Variants in WDR17 observed in about 807,000 individuals in gnomAD.
WDR17 encodes WD repeat domain 17.
In WDR17, 143 loss-of-function variants were observed where a neutral mutation model predicts 161.7. That is an observed-to-expected ratio of 0.88 (90% CI 0.77 to 1.02). WDR17 has a LOEUF of 1.02. Ranked by LOEUF, WDR17 falls within the 50% of genes least tolerant of loss-of-function variation. The pLI is 0.00. For missense variants in WDR17, 1,469 were observed against 1,520.9 expected (o/e 0.97, Z 0.57); for synonymous variants, 517 against 515.6 (o/e 1.00, Z -0.04).
rs547664887 is a variant in WDR17, at chr4:176,113,285, C to G, written c.123+1582C>G. ...AAGAAGAGAAAGTTATCAAGCAAGT[C>G]AAACTATTCTTCTGAGGTAAGGATG... On this transcript the variant is annotated intron_variant, in intron 2 of 28. Transcript: ENST00000508596. 2.0e-5 allele frequency among the ~76,000 whole-genome samples: 3 copies of G among 152,122 alleles called. No individual in the cohort carries two copies. The South Asian group carries it at 6.2e-4, about 32-fold the overall frequency.
At chr4:176,162,249 T>C in intron 21 of WDR17, 75 bp downstream of exon 21, 1 of 1,343,874 alleles carries the variant, frequency 7.4e-7, no homozygotes, top group Non-Finnish European at 1.0e-6. Context: ...GGAAAAGATA[T>C]GGTGACTTTC....
intron 2 of WDR17, 51 bp downstream of exon 2, chr4:176,111,754 T>C: frequency 7.0e-7 from 1 of 1,435,412 alleles, no homozygotes; most frequent in African/African-American, 1.5e-5. Flanking sequence ...AAAATTAATA[T>C]TTAATTAATA....
intron 1 of WDR17, among the ~76,000 whole-genome samples, chr4:176,086,245 T>C (rs147741328): frequency 6.6e-6 from 1 of 152,016 alleles, no homozygotes; most frequent in Non-Finnish European, 1.5e-5. Flanking sequence ...CCCATGTTTA[T>C]TTGAAAAGAA....
intron 1 of WDR17, among the ~76,000 whole-genome samples, chr4:176,102,859 A>G (rs1738040110): frequency 6.6e-6 from 1 of 152,164 alleles, no homozygotes; most frequent in Non-Finnish European, 1.5e-5. Flanking sequence ...AGTGGCAGCT[A>G]CTCATCCCTC....
chr4:176,166,484 A>G (rs1749790582), intron 22 of WDR17, among the ~76,000 whole-genome samples: 1 of 152,144 alleles, frequency 6.6e-6, no homozygotes, highest in East Asian at 1.9e-4. Context: ...GGTCTATATC[A>G]TTTTTATATG....
At chr4:176,136,505 C>T (rs1355729130) in intron 8 of WDR17, among the ~76,000 whole-genome samples, 1 of 151,636 alleles carries the variant, frequency 6.6e-6, no homozygotes, top group Non-Finnish European at 1.5e-5. Flanking sequence ...CATTCTTTCA[C>T]TCTCTACATT....
At chr4:176,127,753 C>G (rs756315638) in intron 5 of WDR17, among the ~76,000 whole-genome samples, 1 of 152,092 alleles carries the variant, frequency 6.6e-6, no homozygotes, top group Non-Finnish European at 1.5e-5. Context: ...TCATTATTCC[C>G]CCAACAAACC....
intron 8 of WDR17, among the ~76,000 whole-genome samples, chr4:176,136,870 A>G (rs546906751): frequency 1.3e-5 from 2 of 151,692 alleles, no homozygotes; most frequent in South Asian, 4.1e-4. Flanking sequence ...TTTTATTCCT[A>G]GATAGCAGAT....
chr4:176,177,170 A>G lies in WDR17; in HGVS notation c.3548+14A>G. The stretch of plus-strand genomic sequence containing the variant: ...GTCCACCAACAGGTGAGCAAATATG[A>G]TATAAAAATTGGAATGCAGAAGGTA... On this transcript the variant is annotated intron_variant, in intron 27 of 28. Coordinates refer to ENST00000508596, the MANE Select transcript of WDR17 (RefSeq NM_181265.4). 2 of 1,605,872 alleles carry G rather than the reference A, an allele frequency of 1.2e-6. No homozygotes were observed. The highest frequency in any genetic ancestry group is 8.5e-7 in the Non-Finnish European group (1 of 1,173,212).
chr4:176,137,656 A>G, intron 9 of WDR17, 45 bp downstream of exon 9: 1 of 1,157,352 alleles, frequency 8.6e-7, no homozygotes, highest in Non-Finnish European at 1.2e-6. Flanking sequence ...GTTTTATACT[A>G]TTTTGTATTT....
At chr4:176,166,542 T>C (rs1430469710) in intron 22 of WDR17, among the ~76,000 whole-genome samples, 1 of 152,198 alleles carries the variant, frequency 6.6e-6, no homozygotes, top group Admixed American at 6.5e-5. Flanking sequence ...AGAGTGAATT[T>C]GATTAACATT....
Position 176,172,377 on chromosome 4 carries a change from T to C in WDR17, c.3105T>C (p.Cys1035=). The change falls in exon 24 of 29, where the codon TGT becomes TGC. Residue 1035 remains cysteine, a splice_region_variant and synonymous_variant. Transcript: ENST00000508596. The stretch of plus-strand genomic sequence containing the variant: ...TTTTCAAATCAATTATTTTCTAGTG[T>C]AAGCTACCCACAGTGGAAGAATGTA... The part of the protein sequence containing the change: ...TEEINDLHDK[C]KLPTVEECMQ... 1.9e-6 allele frequency: 3 copies of C among 1,604,934 alleles called. No individual in the cohort carries two copies. The highest frequency in any genetic ancestry group is 2.5e-6 in the Non-Finnish European group (3 of 1,178,002).
intron 7 of WDR17, among the ~76,000 whole-genome samples, chr4:176,134,524 G>A (rs55795515): frequency 0.26 from 39,998 of 151,420 alleles, 6,039 homozygotes; most frequent in Admixed American, 0.42. Context: ...TTGTGTAATG[G>A]GAACAAGTAT....
intron 1 of WDR17, among the ~76,000 whole-genome samples, chr4:176,078,698 T>G (rs768645929): frequency 6.6e-6 from 1 of 152,104 alleles, no homozygotes; most frequent in South Asian, 2.1e-4. Context: ...TCTCTCCAAT[T>G]CTACTCATAT....
chr4:176,149,699 C>A, intron 13 of WDR17, 108 bp from the exon 14 acceptor site: 2 of 1,392,860 alleles, frequency 1.4e-6, no homozygotes, highest in Non-Finnish European at 2.0e-6. Context: ...CAGTTACTCA[C>A]AATATTTCTT....
intron 1 of WDR17, among the ~76,000 whole-genome samples, chr4:176,107,414 A>G (rs1253524761): frequency 6.7e-6 from 1 of 148,296 alleles, no homozygotes; most frequent in Admixed American, 6.8e-5. Context: ...TATTTGATCT[A>G]GTATCCCACT....
At chr4:176,114,091 T>C (rs968535542) in intron 2 of WDR17, among the ~76,000 whole-genome samples, 1 of 152,098 alleles carries the variant, frequency 6.6e-6, no homozygotes, top group Non-Finnish European at 1.5e-5. Flanking sequence ...ACATTTACTA[T>C]ATTAATAGAT....
intron 24 of WDR17, 76 bp from the exon 25 acceptor site, chr4:176,173,191 T>C: frequency 1.0e-6 from 1 of 961,574 alleles, no homozygotes; most frequent in East Asian, 2.7e-5. Context: ...GAAAATTAAT[T>C]ATATAAGTTA....
At chr4:176,126,754 C>T (rs1225436832) in intron 5 of WDR17, among the ~76,000 whole-genome samples, 4 of 152,138 alleles carry the variant, frequency 2.6e-5, no homozygotes, top group Admixed American at 6.5e-5. Flanking sequence ...CTGTCAAGGC[C>T]GGACCCAGCT....
Sources: allele counts gnomAD v4.1 joint callset (sites outside exome capture counted in the v4.1 genomes callset), GRCh38; gene constraint gnomAD v4.1.1; transcripts MANE v1.5; gene names NCBI Gene and HGNC (gene_info 2026-07-23, HGNC 2026-07-21).